Variants in ENPP1 observed in about 807,000 individuals in gnomAD.
ENPP1 encodes the protein ectonucleotide pyrophosphatase/phosphodiesterase family member 1.
ENPP1 carries 73 observed loss-of-function variants against 122.8 expected under a neutral mutation model. The observed-to-expected ratio is 0.59, with a 90% CI of 0.49 to 0.72. The LOEUF (loss-of-function observed/expected upper bound fraction) is 0.72, where lower values mean the gene tolerates loss of function less well. Ranked by LOEUF, ENPP1 falls within the 30% of genes least tolerant of loss-of-function variation. ENPP1 has a pLI of 0.00. For missense variants in ENPP1, 978 were observed against 1,128.1 expected (o/e 0.87, Z 1.91); for synonymous variants, 367 against 391.6 (o/e 0.94, Z 0.74).
chr6:131,817,091 A>C (rs1781424079), intron 1 of ENPP1, among the ~76,000 whole-genome samples: 1 of 152,192 alleles, frequency 6.6e-6, no homozygotes, highest in African/African-American at 2.4e-5. Context: ...TGGTTGATTT[A>C]CTCTACTTCT....
chr6:131,863,567 A>T (rs2114705374), intron 9 of ENPP1, among the ~76,000 whole-genome samples: 1 of 152,144 alleles, frequency 6.6e-6, no homozygotes, highest in South Asian at 2.1e-4. Context: ...GCACAGTGCA[A>T]TGCCTCTTCT....
intron 18 of ENPP1, 142 bp from the exon 19 acceptor site, chr6:131,878,400 A>G: frequency 1.4e-6 from 1 of 692,368 alleles, no homozygotes; most frequent in Non-Finnish European, 2.6e-6. Flanking sequence ...TTGCCTTGAA[A>G]GAGAAAAAAA....
intron 6 of ENPP1, 134 bp downstream of exon 6, chr6:131,855,157 CT>C (rs1407137489): frequency 4.1e-6 from 3 of 725,020 alleles, no homozygotes; most frequent in Non-Finnish European, 7.5e-6. Flanking sequence ...GTAGTTGAAC[CT>C]TGTGTAAGGC....
intron 2 of ENPP1, 108 bp downstream of exon 2, chr6:131,847,956 G>A: frequency 1.2e-6 from 1 of 826,662 alleles, no homozygotes; most frequent in Admixed American, 2.1e-5. Flanking sequence ...TATTCCTATG[G>A]GTACTCCATA....
At chr6:131,850,553 G>C (rs1483977783) in intron 3 of ENPP1, among the ~76,000 whole-genome samples, 1 of 152,132 alleles carries the variant, frequency 6.6e-6, no homozygotes, top group Non-Finnish European at 1.5e-5. Context: ...AAATGAGAGA[G>C]ATTTATTTAT....
At chr6:131,819,935 GCTT>G (rs1781462994) in intron 1 of ENPP1, 2 of 519,934 alleles carry the variant, frequency 3.8e-6, no homozygotes, top group Non-Finnish European at 7.1e-6. Flanking sequence ...AGTTTCCATA[GCTT>G]CTTTTTTTTT....
chr6:131,849,410 G>T (rs1008145756), intron 2 of ENPP1, among the ~76,000 whole-genome samples: 2 of 152,168 alleles, frequency 1.3e-5, no homozygotes, highest in African/African-American at 2.4e-5. Context: ...TTTTTAGAGG[G>T]AGCCAGTCTG....
intron 1 of ENPP1, among the ~76,000 whole-genome samples, chr6:131,838,604 C>G (rs780847844): frequency 6.7e-6 from 1 of 148,530 alleles, no homozygotes; most frequent in Non-Finnish European, 1.5e-5. Context: ...AAAAAAAACC[C>G]GAAACCCAGA....
intron 1 of ENPP1, among the ~76,000 whole-genome samples, chr6:131,842,989 G>A (rs1562517264): frequency 6.6e-6 from 1 of 152,010 alleles, no homozygotes; most frequent in Non-Finnish European, 1.5e-5. Flanking sequence ...CAAAAACTTT[G>A]CTTTTACTTT....
rs377129305 is a variant in ENPP1 at position 131,867,972 on chromosome 6, A to G, written c.1165-46A>G. 10 of 1,146,972 alleles carry G rather than the reference A, an allele frequency of 8.7e-6. No homozygotes were observed. In the African/African-American group the frequency reaches 1.3e-4, roughly 14 times the overall value. 71.0% of individuals were successfully genotyped at this position (1,146,972 alleles called of 1,614,324 possible). A position where few individuals can be genotyped will look rare whatever the true frequency, so the allele number is the denominator to read the frequency against. ...GAGATAGCTTTATGTATAAATAGCC[A>G]TTAGTGTGGAAGGTATCACATGAGG... On this transcript the variant is annotated intron_variant, in intron 11 of 24. Coordinates refer to ENST00000647893, the MANE Select transcript of ENPP1 (RefSeq NM_006208.3).
intron 15 of ENPP1, 88 bp from the exon 16 acceptor site, chr6:131,874,180 C>A: frequency 1.1e-6 from 1 of 894,780 alleles, no homozygotes; most frequent in Non-Finnish European, 1.8e-6. Context: ...TAGTTACATA[C>A]TTTTTAATCA....
At chr6:131,865,398 T>G (rs1203234599) in intron 11 of ENPP1, among the ~76,000 whole-genome samples, 1 of 152,122 alleles carries the variant, frequency 6.6e-6, no homozygotes, top group East Asian at 1.9e-4. Context: ...GATGGGAGAT[T>G]TTATCAAAAG....
At chr6:131,847,745 A>T in intron 1 of ENPP1, 31 bp from the exon 2 acceptor site, 1 of 1,448,408 alleles carries the variant, frequency 6.9e-7, no homozygotes, top group Non-Finnish European at 9.7e-7. Flanking sequence ...TTAAAAAAGA[A>T]ACCATGTAAT....
chr6:131,827,062 C>T (rs1781555128), intron 1 of ENPP1: 1 of 604,384 alleles, frequency 1.7e-6, no homozygotes, highest in Non-Finnish European at 3.1e-6. Flanking sequence ...GGCAGCTTCA[C>T]CTCCAGGGTC....
chr6:131,886,833 C>A, intron 24 of ENPP1, 109 bp downstream of exon 24: 1 of 813,406 alleles, frequency 1.2e-6, no homozygotes, highest in Non-Finnish European at 1.9e-6. Context: ...ACTGAGTACA[C>A]ATGGACTTCG....
chr6:131,822,823 G>C (rs1024982995), intron 1 of ENPP1, among the ~76,000 whole-genome samples: 1 of 152,010 alleles, frequency 6.6e-6, no homozygotes, highest in Non-Finnish European at 1.5e-5. Flanking sequence ...GTACATGTTT[G>C]TTTTCTGTTT....
chr6:131,864,653 T>G (rs1182230946), intron 10 of ENPP1, 82 bp downstream of exon 10: 1 of 960,646 alleles, frequency 1.0e-6, no homozygotes, highest in Non-Finnish European at 1.6e-6. Flanking sequence ...ACAACAAAAC[T>G]TTGCTATTTG....
chr6:131,847,262 T>C (rs986469776), intron 1 of ENPP1, among the ~76,000 whole-genome samples: 1 of 152,240 alleles, frequency 6.6e-6, no homozygotes. Flanking sequence ...GTTTTCTCTC[T>C]CTTTCCCTTA....
At chr6:131,869,040 G>A (rs1424432706) in intron 12 of ENPP1, among the ~76,000 whole-genome samples, 1 of 152,160 alleles carries the variant, frequency 6.6e-6, no homozygotes, top group African/African-American at 2.4e-5. Context: ...TAATATCCTA[G>A]GTGGTTTGGG....
Sources: gnomAD v4.1 joint callset for allele counts (sites outside exome capture counted in the v4.1 genomes callset) on GRCh38, gnomAD v4.1.1 for gene constraint, MANE v1.5 for transcripts, NCBI Gene and HGNC (gene_info 2026-07-23, HGNC 2026-07-21) for gene names.